BEND7: variants seen among roughly 807,000 people sequenced by gnomAD.
The protein encoded by BEND7 is BEN domain-containing protein 7.
In BEND7, 28 loss-of-function variants were observed where a neutral mutation model predicts 50.9. That is an observed-to-expected ratio of 0.55 (90% confidence interval 0.41 to 0.75). The LOEUF is 0.75. Ranked by LOEUF, BEND7 falls within the 30% of genes least tolerant of loss-of-function variation. The probability of loss-of-function intolerance (pLI) is 0.00; values close to 1 mark genes in which losing one functional copy is unlikely to be tolerated. For synonymous variants in BEND7, 170 were observed against 183.9 expected (o/e 0.92, Z 0.61); for missense variants, 477 against 491.3 (o/e 0.97, Z 0.28).
intron 4 of BEND7, among the ~76,000 whole-genome samples, 192 bp downstream of exon 4, chr10:13,496,574 G>A (rs2077034653): frequency 6.6e-6 from 1 of 152,162 alleles, no homozygotes. Flanking sequence ...TCAGTAGCAA[G>A]ACAAAATATG....
At chr10:13,525,517 AG>A (rs1424961731) in intron 2 of BEND7, among the ~76,000 whole-genome samples, 1 of 152,218 alleles carries the variant, frequency 6.6e-6, no homozygotes, top group African/African-American at 2.4e-5. Context: ...CTGGTGTGAA[AG>A]GAGCACAAAG....
At chr10:13,488,086 C>CAAAAAAAAA (rs753018197) in intron 5 of BEND7, among the ~76,000 whole-genome samples, 2 of 68,526 alleles carry the variant, frequency 2.9e-5, no homozygotes, top group Admixed American at 1.6e-4. Flanking sequence ...GTCTCAATTA[C>CAAAAAAAAA]AAAAAAAAAA....
At chr10:13,446,119 T>C (rs963820239) in intron 8 of BEND7, 1 of 152,250 alleles carries the variant, frequency 6.6e-6, no homozygotes, top group African/African-American at 2.4e-5. Flanking sequence ...ATAATGACTC[T>C]GTATGGGAAG....
In BEND7 at chr10:13,441,605, C is replaced by T. The variant is rs1189738199; in HGVS notation, c.*138G>A. 6.6e-7 allele frequency: 1 copy of T among 1,525,500 alleles called. No homozygotes were observed. The highest frequency in any genetic ancestry group is 8.8e-7 in the Non-Finnish European group (1 of 1,137,410). The allele number at this position is 1,525,500 out of a possible 1,614,324, so 94.5% of individuals were successfully genotyped here. On this transcript the variant is annotated 3_prime_UTR_variant, in exon 9 of 9. Transcript: ENST00000466271. Reference sequence around the variant, plus strand: ...TTTCTGCCTTGACCAGCAACATACTCATCCTATTTTAACACGGCGAAAGGT... The same window carrying T: ...TTTCTGCCTTGACCAGCAACATACTTATCCTATTTTAACACGGCGAAAGGT...
In BEND7 at chr10:13,481,132, A is replaced by C. The variant is rs1051813628; in HGVS notation, c.838-8T>G. On this transcript the variant is annotated splice_polypyrimidine_tract_variant and splice_region_variant and intron_variant, in intron 5 of 8. Transcript: ENST00000466271. Reference sequence around the variant, plus strand: ...AGCAAGTTGTACTTCTGGCTACCAAAAGAACACAGATATTTCATTAAAAGC... The same window carrying C: ...AGCAAGTTGTACTTCTGGCTACCAACAGAACACAGATATTTCATTAAAAGC... 2 of 1,612,824 alleles carry C rather than the reference A, an allele frequency of 1.2e-6. No individual in the cohort carries two copies. Among genetic ancestry groups the C allele is most frequent in the Non-Finnish European group, 1.7e-6 (2 of 1,179,238 alleles).
chr10:13,454,974 C>A (rs1398175583), intron 6 of BEND7, among the ~76,000 whole-genome samples: 1 of 152,144 alleles, frequency 6.6e-6, no homozygotes, highest in African/African-American at 2.4e-5. Flanking sequence ...GAGTTCGAGA[C>A]CAGCCTGGCC....
At chr10:13,525,321 G>A in intron 2 of BEND7, among the ~76,000 whole-genome samples, 1 of 152,146 alleles carries the variant, frequency 6.6e-6, no homozygotes, top group East Asian at 1.9e-4. Context: ...AGTCTTTCCT[G>A]TACAGTATTT....
intron 8 of BEND7, chr10:13,446,048 T>C (rs1836249067): frequency 6.6e-6 from 1 of 152,240 alleles, no homozygotes; most frequent in South Asian, 2.1e-4. Context: ...ATCACGTATT[T>C]CAATTCTCTT....
At chr10:13,484,639 G>A (rs2076092347) in intron 5 of BEND7, among the ~76,000 whole-genome samples, 1 of 152,194 alleles carries the variant, frequency 6.6e-6, no homozygotes, top group Non-Finnish European at 1.5e-5. Context: ...AGTAGAAAGC[G>A]AATATGTTAA....
chr10:13,452,002 T>C (rs961899101), intron 7 of BEND7, among the ~76,000 whole-genome samples: 13 of 152,070 alleles, frequency 8.5e-5, no homozygotes, highest in African/African-American at 3.1e-4. Flanking sequence ...GGGTGCTCAC[T>C]TTTCCTGGAA....
At chr10:13,523,321 C>T (rs182544694) in intron 2 of BEND7, among the ~76,000 whole-genome samples, 3 of 152,322 alleles carry the variant, frequency 2.0e-5, no homozygotes, top group African/African-American at 4.8e-5. Context: ...TCCTAAAGCA[C>T]GAGGCCAAGC....
At chr10:13,447,480 A>G (rs1836628556) in intron 7 of BEND7, among the ~76,000 whole-genome samples, 164 bp from the exon 8 acceptor site, 1 of 150,014 alleles carries the variant, frequency 6.7e-6, no homozygotes. Flanking sequence ...TGTTAATATC[A>G]TTATTTGAAT....
At chr10:13,514,090 T>TTTCAAG (rs3031160) in intron 2 of BEND7, among the ~76,000 whole-genome samples, 151,147 of 152,030 alleles carry the variant, frequency 0.99, 75,142 homozygotes, top group Middle Eastern at 1. Flanking sequence ...CAGGTCTCAG[T>TTTCAAG]TTCATTTTCT....
At chr10:13,513,746 C>T (rs1405679749) in intron 2 of BEND7, among the ~76,000 whole-genome samples, 3 of 152,178 alleles carry the variant, frequency 2.0e-5, no homozygotes, top group African/African-American at 4.8e-5. Flanking sequence ...AATTACACTG[C>T]GGACCTCCAT....
chr10:13,495,571 A>G (rs2132082836), intron 4 of BEND7, among the ~76,000 whole-genome samples: 1 of 152,336 alleles, frequency 6.6e-6, no homozygotes, highest in South Asian at 2.1e-4. Flanking sequence ...CTGAGGCAGG[A>G]GAATCGCTTG....
In BEND7 at chr10:13,441,168, T is replaced by C; in HGVS notation, c.*575A>G. 1.0e-6 allele frequency: 1 copy of C among 981,676 alleles called. No individual in the cohort carries two copies. The highest frequency in any genetic ancestry group is 1.1e-4 in the East Asian group (1 of 8,804). 60.8% of individuals were successfully genotyped at this position (981,676 alleles called of 1,614,324 possible). ...GAATTGATACCACAACACAATGTTA[T>C]ACACCATTTTCACAACCAGGCTTGC... is the stretch of plus-strand genomic sequence containing the variant. On this transcript the variant is annotated 3_prime_UTR_variant, in exon 9 of 9. Coordinates refer to ENST00000466271, the MANE Select transcript of BEND7 (RefSeq NM_001369863.1).
chr10:13,470,647 C>T (rs1480949924), intron 6 of BEND7, among the ~76,000 whole-genome samples: 2 of 152,124 alleles, frequency 1.3e-5, no homozygotes, highest in Non-Finnish European at 2.9e-5. Flanking sequence ...AGATGAGATC[C>T]CTTTTTTGAG....
chr10:13,440,900 CG>C (rs764391825), downstream of BEND7, among the ~76,000 whole-genome samples: 15 of 152,146 alleles, frequency 9.9e-5, no homozygotes, highest in Non-Finnish European at 1.9e-4. Context: ...GCCTTTCCAG[CG>C]TCTGAAGCCT....
At chr10:13,465,153 G>GT (rs1472495287) in intron 6 of BEND7, among the ~76,000 whole-genome samples, 4 of 152,290 alleles carry the variant, frequency 2.6e-5, no homozygotes, top group African/African-American at 7.2e-5. Flanking sequence ...ATCTGAGAAA[G>GT]TTTTTTCTCT....
Sources: gnomAD v4.1 joint callset for allele counts (sites outside exome capture counted in the v4.1 genomes callset) on GRCh38, gnomAD v4.1.1 for gene constraint, MANE v1.5 for transcripts, NCBI Gene and HGNC (gene_info 2026-07-23, HGNC 2026-07-21) for gene names.